CFAP58: variants seen among roughly 807,000 people sequenced by gnomAD.
The protein encoded by CFAP58 is cilia and flagella associated protein 58.
A neutral mutation model predicts 119.5 loss-of-function variants in CFAP58; 88 were observed. The observed-to-expected ratio is 0.74, with a 90% confidence interval of 0.62 to 0.88. The LOEUF is 0.88. Ranked by LOEUF, CFAP58 falls within the 40% of genes least tolerant of loss-of-function variation. CFAP58 has a pLI of 0.00. For missense variants in CFAP58, 990 were observed against 1,021.2 expected (o/e 0.97, Z 0.42); for synonymous variants, 365 against 366.3 (o/e 1.00, Z 0.04).
rs371341545 is a variant in CFAP58, at chr10:104,365,843, C to T, written c.627C>T (p.Asn209=). The change falls in exon 5 of 18, where the codon AAC becomes AAT. Residue 209 remains asparagine, a synonymous_variant. Coordinates refer to ENST00000369704, the MANE Select transcript of CFAP58 (RefSeq NM_001008723.2). ...AACAAGAAATCCAGCAACGTCAGAA[C>T]GAAGCTTCCCGGGAGTTCCGGAAGA... is the stretch of plus-strand genomic sequence containing the variant. ...QFQQEIQQRQ[N]EASREFRKKE... is the part of the protein sequence containing the mutation. 1.7e-5 allele frequency: 28 copies of T among 1,612,086 alleles called. 1 individual carries two copies. The highest frequency in any genetic ancestry group is 3.3e-4 in the Middle Eastern group (2 of 6,064).
At chr10:104,409,306 A>T (rs1228341165) in intron 15 of CFAP58, among the ~76,000 whole-genome samples, 1 of 152,184 alleles carries the variant, frequency 6.6e-6, no homozygotes, top group Admixed American at 6.5e-5. Flanking sequence ...CCAAATATAT[A>T]TGTATTTAAG....
At chr10:104,433,783 A>G (rs1351792389) in intron 15 of CFAP58, among the ~76,000 whole-genome samples, 1 of 152,240 alleles carries the variant, frequency 6.6e-6, no homozygotes, top group African/African-American at 2.4e-5. Context: ...TACTCTTCCA[A>G]AGAATGTTCC....
intron 15 of CFAP58, among the ~76,000 whole-genome samples, chr10:104,438,345 T>G (rs2012970827): frequency 2.9e-5 from 2 of 68,372 alleles, no homozygotes; most frequent in African/African-American, 1.7e-4. Context: ...TTTTTTGTTT[T>G]TTGTTTTTTT....
chr10:104,358,207 A>T, intron 1 of CFAP58, 134 bp from the exon 2 acceptor site: 1 of 813,418 alleles, frequency 1.2e-6, no homozygotes, highest in Non-Finnish European at 1.9e-6. Context: ...ATATAATCTT[A>T]ATTTTTCTGC....
At chr10:104,376,955 T>G (rs1589914348) in intron 8 of CFAP58, 62 bp downstream of exon 8, 1 of 1,300,282 alleles carries the variant, frequency 7.7e-7, no homozygotes, top group Non-Finnish European at 1.1e-6. Flanking sequence ...AATATCTGGC[T>G]ATAGCCAGTT....
chr10:104,345,443 T>C, the CFAP58 span, among the ~76,000 whole-genome samples: 1 of 152,154 alleles, frequency 6.6e-6, no homozygotes, highest in Non-Finnish European at 1.5e-5. Flanking sequence ...GTTCGTGTAC[T>C]GATACCTTTC....
At chr10:104,343,358 G>A in the CFAP58 span, among the ~76,000 whole-genome samples, 23 of 152,276 alleles carry the variant, frequency 1.5e-4, no homozygotes, top group African/African-American at 5.3e-4. Context: ...GAGAAGTTAG[G>A]TCACATACTC....
chr10:104,370,244 A>G (rs1256510790), intron 6 of CFAP58, among the ~76,000 whole-genome samples: 1 of 152,262 alleles, frequency 6.6e-6, no homozygotes, highest in Non-Finnish European at 1.5e-5. Context: ...ACAACTTAGC[A>G]TTCTTATCTT....
At chr10:104,393,626 A>T in intron 11 of CFAP58, 151 bp downstream of exon 11, 4 of 679,440 alleles carry the variant, frequency 5.9e-6, no homozygotes, top group African/African-American at 1.8e-5. Context: ...CACACAAGGC[A>T]CCAGGAGGAT....
chr10:104,357,983 G>T (rs867810169), intron 1 of CFAP58, among the ~76,000 whole-genome samples: 4 of 128,258 alleles, frequency 3.1e-5, no homozygotes, highest in African/African-American at 1.2e-4. Flanking sequence ...ATGTACATAT[G>T]TACACATATA....
chr10:104,406,065 C>T (rs1240286236), intron 14 of CFAP58, among the ~76,000 whole-genome samples: 1 of 152,122 alleles, frequency 6.6e-6, no homozygotes, highest in East Asian at 1.9e-4. Flanking sequence ...CCACTGCACT[C>T]CAGCCTGGGC....
chr10:104,418,863 C>T (rs1048204203), intron 15 of CFAP58, among the ~76,000 whole-genome samples: 20 of 152,134 alleles, frequency 1.3e-4, no homozygotes, highest in Non-Finnish European at 4.4e-5. Flanking sequence ...TGAAGATGCT[C>T]CCTCACTAGA....
chr10:104,415,652 C>T (rs903712561), intron 15 of CFAP58, among the ~76,000 whole-genome samples: 2 of 152,086 alleles, frequency 1.3e-5, no homozygotes, highest in Admixed American at 6.6e-5. Flanking sequence ...GCTCAGGGCA[C>T]CAAAAATACC....
chr10:104,394,811 C>T (rs958633367), intron 11 of CFAP58, among the ~76,000 whole-genome samples: 1 of 152,186 alleles, frequency 6.6e-6, no homozygotes, highest in Non-Finnish European at 1.5e-5. Context: ...CCCTTGTACT[C>T]CCTGTTTGAA....
the CFAP58 span, among the ~76,000 whole-genome samples, chr10:104,345,188 A>G: frequency 1.1e-4 from 16 of 152,154 alleles, no homozygotes; most frequent in East Asian, 2.9e-3. Flanking sequence ...TTAATATAGC[A>G]GATTTCATTT....
intron 9 of CFAP58, among the ~76,000 whole-genome samples, chr10:104,386,387 A>AAAAT (rs1188911059): frequency 2.0e-5 from 3 of 148,418 alleles, no homozygotes; most frequent in African/African-American, 2.5e-5. Flanking sequence ...CAAAAAAAAA[A>AAAAT]AAATAAATAA....
chr10:104,343,516 C>T, the CFAP58 span, among the ~76,000 whole-genome samples: 2 of 152,324 alleles, frequency 1.3e-5, no homozygotes, highest in Admixed American at 6.5e-5. Flanking sequence ...ACAGAACCTA[C>T]GTTTTTCAAA....
chr10:104,415,734 TG>T (rs1406205832), intron 15 of CFAP58, among the ~76,000 whole-genome samples: 3 of 152,168 alleles, frequency 2.0e-5, no homozygotes, highest in Non-Finnish European at 4.4e-5. Flanking sequence ...ACTCACTCAG[TG>T]ATTCACCTAA....
rs780963640 is a variant in CFAP58, at chr10:104,370,885, C to T, written c.931-10C>T. Reference sequence around the variant, plus strand: ...AAAGTGACTCATTAATTCTTTCTCACTAATTACAGGCCAAAGAGGAAGAAG... The same window carrying T: ...AAAGTGACTCATTAATTCTTTCTCATTAATTACAGGCCAAAGAGGAAGAAG... On this transcript the variant is annotated splice_polypyrimidine_tract_variant and intron_variant, in intron 6 of 17. Transcript: ENST00000369704. The T allele has an allele frequency of 6.2e-7, 1 of 1,604,606 alleles. No homozygotes were observed.
Sources: allele counts gnomAD v4.1 joint callset (sites outside exome capture counted in the v4.1 genomes callset), GRCh38; gene constraint gnomAD v4.1.1; transcripts MANE v1.5; gene names NCBI Gene and HGNC (gene_info 2026-07-23, HGNC 2026-07-21).